Variants in CNTN6 observed in about 807,000 individuals in gnomAD.
The protein encoded by CNTN6 is contactin 6, also known as contactin-6.
In CNTN6, 137 loss-of-function variants were observed where a neutral mutation model predicts 122.8. The observed-to-expected ratio is 1.12, with a 90% CI of 0.97 to 1.29. The LOEUF (loss-of-function observed/expected upper bound fraction) is 1.29. CNTN6 is among the 50% of genes most tolerant of loss of function. The probability of loss-of-function intolerance (pLI) is 0.00; values close to 1 mark genes in which losing one functional copy is unlikely to be tolerated. For synonymous variants in CNTN6, 570 were observed against 426.0 expected, an observed-to-expected ratio of 1.34 and a Z score of -4.16; for missense variants, 1,634 against 1,223.4, an observed-to-expected ratio of 1.34 and a Z score of -5.01.
chr3:1,342,171 C>T (rs2126040466), intron 11 of CNTN6, among the ~76,000 whole-genome samples: 1 of 152,164 alleles, frequency 6.6e-6, no homozygotes, highest in East Asian at 1.9e-4. Flanking sequence ...CCTCTTTCAC[C>T]CAGGCTTGAG....
chr3:1,204,770 C>G (rs912343784), intron 2 of CNTN6, among the ~76,000 whole-genome samples: 1 of 152,158 alleles, frequency 6.6e-6, no homozygotes, highest in Non-Finnish European at 1.5e-5. Context: ...CACGGTTACT[C>G]TCTAACATAT....
intron 8 of CNTN6, among the ~76,000 whole-genome samples, chr3:1,322,115 A>C (rs1197262799): frequency 1.3e-5 from 2 of 151,762 alleles, no homozygotes; most frequent in Non-Finnish European, 2.9e-5. Context: ...AATAAAAGGA[A>C]GCATGAACTC....
chr3:1,303,791 G>A (rs1486228483), intron 7 of CNTN6, among the ~76,000 whole-genome samples: 3 of 152,106 alleles, frequency 2.0e-5, no homozygotes, highest in African/African-American at 4.8e-5. Context: ...TTATTAAAAA[G>A]CTTTTTGAAC....
At chr3:1,326,098 C>G in intron 9 of CNTN6, 147 bp downstream of exon 9, 4 of 611,462 alleles carry the variant, frequency 6.5e-6, no homozygotes, top group Non-Finnish European at 1.1e-5. Context: ...TTTATTTAAT[C>G]CTTAAATAAA....
At chr3:1,289,617 C>A (rs910837322) in intron 5 of CNTN6, among the ~76,000 whole-genome samples, 16 of 152,210 alleles carry the variant, frequency 1.1e-4, no homozygotes, top group Non-Finnish European at 2.1e-4. Flanking sequence ...GTTTCCCTTC[C>A]CAGTGTGATG....
intron 4 of CNTN6, among the ~76,000 whole-genome samples, chr3:1,234,650 A>G (rs1389108437): frequency 6.6e-6 from 1 of 152,222 alleles, no homozygotes; most frequent in Non-Finnish European, 1.5e-5. Flanking sequence ...TGCATACCTA[A>G]TTATAAATGA....
intron 7 of CNTN6, among the ~76,000 whole-genome samples, chr3:1,300,547 AAGAGAAAGAAAAAG>A (rs1170054332): frequency 3.2e-5 from 4 of 125,792 alleles, no homozygotes; most frequent in Admixed American, 2.0e-4. Flanking sequence ...GAGAGAAAGA[AAGAGAAAGAAAAAG>A]AAAGAAAGAA....
At chr3:1,156,805 C>T (rs948187393) in intron 2 of CNTN6, among the ~76,000 whole-genome samples, 3 of 151,808 alleles carry the variant, frequency 2.0e-5, no homozygotes, top group African/African-American at 7.3e-5. Flanking sequence ...GCTGGCTTGA[C>T]CTCCTAGGCT....
chr3:1,093,749 G>C (rs1369079977), intron 1 of CNTN6, among the ~76,000 whole-genome samples: 1 of 152,088 alleles, frequency 6.6e-6, no homozygotes, highest in Admixed American at 6.6e-5. Flanking sequence ...CACCAGTTAA[G>C]TTGTCAGTAT....
chr3:1,219,480 T>G (rs1258111280), intron 2 of CNTN6, among the ~76,000 whole-genome samples: 1 of 152,218 alleles, frequency 6.6e-6, no homozygotes, highest in African/African-American at 2.4e-5. Flanking sequence ...AAGCCAATTT[T>G]TACTGCTTTT....
chr3:1,147,151 A>C (rs1360776082), intron 1 of CNTN6, among the ~76,000 whole-genome samples: 1 of 152,086 alleles, frequency 6.6e-6, no homozygotes, highest in Non-Finnish European at 1.5e-5. Flanking sequence ...GGTTGCAAGA[A>C]AATATGTTTC....
intron 8 of CNTN6, among the ~76,000 whole-genome samples, chr3:1,324,633 A>G (rs1701285901): frequency 6.7e-6 from 1 of 149,754 alleles, no homozygotes; most frequent in Admixed American, 6.6e-5. Flanking sequence ...AAGACTGCTT[A>G]GAAGTTGACA....
chr3:1,181,585 T>C (rs745384965), intron 2 of CNTN6, among the ~76,000 whole-genome samples: 6 of 152,198 alleles, frequency 3.9e-5, no homozygotes, highest in Non-Finnish European at 8.8e-5. Context: ...CACAATATTA[T>C]AGATACCTGT....
chr3:1,094,556 C>T (rs1318686938), intron 1 of CNTN6, among the ~76,000 whole-genome samples: 1 of 152,076 alleles, frequency 6.6e-6, no homozygotes, highest in Non-Finnish European at 1.5e-5. Flanking sequence ...TAAATGACTT[C>T]ATTGCATTAC....
intron 4 of CNTN6, among the ~76,000 whole-genome samples, chr3:1,250,770 C>T (rs1349525406): frequency 2.0e-5 from 3 of 152,122 alleles, no homozygotes; most frequent in Non-Finnish European, 4.4e-5. Flanking sequence ...CTGAAAGTCC[C>T]CCTGACTGTG....
chr3:1,218,307 G>A (rs2094156259), intron 2 of CNTN6, among the ~76,000 whole-genome samples: 1 of 152,114 alleles, frequency 6.6e-6, no homozygotes, highest in Admixed American at 6.6e-5. Context: ...AAGGAGGGTG[G>A]TTTCTGGGGG....
intron 5 of CNTN6, among the ~76,000 whole-genome samples, chr3:1,292,305 C>CT (rs781262655): frequency 2.0e-5 from 3 of 152,078 alleles, no homozygotes; most frequent in Non-Finnish European, 4.4e-5. Flanking sequence ...CTTCCAGAAT[C>CT]TTTTTTTCCA....
At chr3:1,283,411 C>G (rs930317152) in intron 5 of CNTN6, among the ~76,000 whole-genome samples, 9 of 152,154 alleles carry the variant, frequency 5.9e-5, no homozygotes, top group Admixed American at 5.9e-4. Flanking sequence ...TCACTCGTCA[C>G]AAAAAATGTC....
At chr3:1,144,153 G>C (rs2092674872) in intron 1 of CNTN6, among the ~76,000 whole-genome samples, 2 of 152,180 alleles carry the variant, frequency 1.3e-5, no homozygotes, top group African/African-American at 4.8e-5. Flanking sequence ...TACACATGGT[G>C]TTTATCGTCA....
Sources: allele counts gnomAD v4.1 joint callset (sites outside exome capture counted in the v4.1 genomes callset), GRCh38; gene constraint gnomAD v4.1.1; transcripts MANE v1.5; gene names NCBI Gene and HGNC (gene_info 2026-07-23, HGNC 2026-07-21).